HUWE1: variants seen among roughly 807,000 people sequenced by gnomAD.
HUWE1 encodes the protein E3 ubiquitin-protein ligase HUWE1.
A neutral mutation model predicts 299.4 loss-of-function variants in HUWE1; 18 were observed. The ratio of observed to expected loss-of-function variants is 0.06; its 90% CI spans 0.04 to 0.09. The LOEUF is 0.09. Ranked by LOEUF, HUWE1 falls within the 10% of genes least tolerant of loss-of-function variation. The pLI, the probability that HUWE1 is intolerant of heterozygous loss-of-function variation, is 1.00. For missense variants in HUWE1, 1,832 were observed against 3,462.3 expected, an observed-to-expected ratio of 0.53 and a Z score of 11.82; for synonymous variants, 1,317 against 1,286.1, an observed-to-expected ratio of 1.02 and a Z score of -0.51.
intron 7 of HUWE1, among the ~76,000 whole-genome samples, chrX:53,635,362 G>A (rs1557025847): frequency 9.0e-6 from 1 of 111,016 alleles, no homozygotes; most frequent in East Asian, 2.8e-4. Context: ...TGCCTAGGCT[G>A]GAGTGGAGTG....
intron 60 of HUWE1, among the ~76,000 whole-genome samples, chrX:53,556,815 T>G (rs963340252): frequency 3.6e-5 from 4 of 112,356 alleles, no homozygotes; most frequent in Non-Finnish European, 5.6e-5. Context: ...AGAAAAAACA[T>G]CCAATCAACA....
At position 53,614,496 on chromosome X, in the gene HUWE1, G is replaced by A. The variant is rs782732182; in HGVS notation, c.2261+38C>T. 24 of 1,042,515 alleles carry A rather than the reference G, an allele frequency of 2.3e-5. No individual in the cohort carries two copies. The South Asian group carries it at 4.1e-4, about 18-fold the overall frequency. The allele number at this position is 1,042,515 out of a possible 1,213,427, so 85.9% of individuals were successfully genotyped here. A position where few individuals can be genotyped will look rare whatever the true frequency, so the allele number is the denominator to read the frequency against. ...CTTAGAGAGGTGATAACATGCCCAC[G>A]ATTATATGGCTAGATGATCTGTTCT... On this transcript the variant is annotated intron_variant, in intron 23 of 83. Transcript: ENST00000262854.
rs1184636191 is a variant in HUWE1 at position 53,539,911 on chromosome X, GA to G, written c.11477-100del. ...CACCAACTAATATACAGAACAAGTA[GA>G]GGGGACCACTGGCCACTGAGTGGTA... On this transcript the variant is annotated intron_variant, in intron 74 of 83. Coordinates refer to ENST00000262854, the MANE Select transcript of HUWE1 (RefSeq NM_031407.7). 7.1e-6 allele frequency: 6 copies of G among 843,776 alleles called. 1 individual carries two copies. The Middle Eastern group carries it at 9.4e-4, about 133-fold the overall frequency. The allele number at this position is 843,776 out of a possible 1,213,427, so 69.5% of individuals were successfully genotyped here. A position where few individuals can be genotyped will look rare whatever the true frequency, so the allele number is the denominator to read the frequency against.
intron 28 of HUWE1, among the ~76,000 whole-genome samples, chrX:53,601,834 A>G (rs782664939): frequency 2.7e-5 from 3 of 109,103 alleles, no homozygotes; most frequent in East Asian, 5.8e-4. Flanking sequence ...ACGCCCGGCT[A>G]ATTTTTTGTG....
chrX:53,533,559 GT>G (rs1369505806), intron 83 of HUWE1, 148 bp from the exon 84 acceptor site: 2 of 501,429 alleles, frequency 4.0e-6, no homozygotes, highest in Non-Finnish European at 7.1e-6. Context: ...AGCCCAGTAT[GT>G]CCCCCTTTAT....
At chrX:53,609,408 T>C (rs1400318777) in intron 23 of HUWE1, among the ~76,000 whole-genome samples, 2 of 112,348 alleles carry the variant, frequency 1.8e-5, no homozygotes, top group Admixed American at 9.4e-5. Flanking sequence ...TACGATGTTT[T>C]TGCATCACGT....
Position 53,588,402 on chromosome X carries a change from G to T in HUWE1, c.4594C>A (p.Leu1532Ile), listed in dbSNP as rs1556975272. ...QASNLATRIL[L>I]LTLLFEELKL... ...CTTACCTCAAAAAGTAGCGTTAAAA[G>T]CAAGATTCTAGTAGCCAAATTGGAG... The change falls in exon 37 of 84, where the codon CTT becomes ATT. Residue 1532 changes from leucine (L) to isoleucine (I), a missense_variant. Leu to Ile is a conservative substitution (Grantham distance 5). This residue lies in a region of HUWE1 where 658 missense variants were observed against 1,282.6 expected (regional missense o/e 0.51). Coordinates refer to ENST00000262854, the MANE Select transcript of HUWE1 (RefSeq NM_031407.7). 8.3e-7 allele frequency: 1 copy of T among 1,208,160 alleles called. No individual in the cohort carries two copies. Among genetic ancestry groups the T allele is most frequent in the African/African-American group, 1.8e-5 (1 of 57,049 alleles).
intron 29 of HUWE1, among the ~76,000 whole-genome samples, chrX:53,598,656 T>A: frequency 8.9e-6 from 1 of 112,453 alleles, no homozygotes; most frequent in East Asian, 2.8e-4. Flanking sequence ...ATCGACTGTT[T>A]ATGTTACTGG....
intron 15 of HUWE1, among the ~76,000 whole-genome samples, 177 bp downstream of exon 15, chrX:53,628,316 A>G (rs1557019739): frequency 9.0e-6 from 1 of 111,172 alleles, no homozygotes; most frequent in African/African-American, 3.3e-5. Context: ...CTGCTCTTAA[A>G]CATTGTTAAT....
chrX:53,538,405 G>A lies in HUWE1; in HGVS notation c.11928C>T (p.His3976=), dbSNP rs782603526. ...GGACAGCAAAAGGCCCATCAGCAAG[G>A]TGGGTCGTGGACTGCCGTAGGATCT... ...LNQILRQSTT[H]LADGPFAVLV... The change falls in exon 77 of 84, where the codon CAC becomes CAT. Residue 3976 remains histidine, a synonymous_variant. Transcript: ENST00000262854. 25 of 1,207,926 alleles carry A rather than the reference G, an allele frequency of 2.1e-5. No homozygotes were observed. The highest frequency in any genetic ancestry group is 2.7e-5 in the Non-Finnish European group (24 of 893,623).
Position 53,537,560 on chromosome X carries a change from G to T in HUWE1, c.12133C>A (p.Arg4045=). Residue 4045 remains arginine, a synonymous_variant, in exon 78 of 84, where the codon CGA becomes AGA. Transcript: ENST00000262854. ...HRKSPEEMKN[R]LYIVFEGEEG... ...TCTCCGTTCCTGGGCCCTTACAATC[G>T]ATTCTTCATTTCTTCGGGGGATTTG... 2.5e-6 allele frequency: 3 copies of T among 1,210,459 alleles called. No individual in the cohort carries two copies. Among genetic ancestry groups the T allele is most frequent in the Non-Finnish European group, 3.4e-6 (3 of 894,862 alleles).
At chrX:53,665,019 A>C (rs1463209438) in intron 3 of HUWE1, among the ~76,000 whole-genome samples, 2 of 112,259 alleles carry the variant, frequency 1.8e-5, no homozygotes, top group African/African-American at 3.2e-5. Flanking sequence ...TAATCCTTGG[A>C]GATGAAGACT....
At position 53,632,578 on chromosome X, in the gene HUWE1, A is replaced by C; in HGVS notation, c.568-14T>G. ...GGGTGGATATTTCTGTGTATAAAGC[A>C]CATCAAAGAATCAGACATTGAGTTT... is the stretch of plus-strand genomic sequence containing the variant. On this transcript the variant is annotated splice_polypyrimidine_tract_variant and intron_variant, in intron 8 of 83. Transcript: ENST00000262854. The C allele has an allele frequency of 1.8e-6, 2 of 1,121,379 alleles. No homozygotes were observed. Among genetic ancestry groups the C allele is most frequent in the Non-Finnish European group, 2.5e-6 (2 of 812,943 alleles). 92.4% of individuals were successfully genotyped at this position (1,121,379 alleles called of 1,213,427 possible).
chrX:53,562,012 G>A, intron 54 of HUWE1, 88 bp from the exon 55 acceptor site: 1 of 1,210,975 alleles, frequency 8.3e-7, no homozygotes, highest in Non-Finnish European at 1.1e-6. Flanking sequence ...ATGAGGGAGG[G>A]AGACGCTGAG....
intron 55 of HUWE1, among the ~76,000 whole-genome samples, chrX:53,560,877 C>T (rs2062253588): frequency 9.0e-6 from 1 of 111,617 alleles, no homozygotes; most frequent in South Asian, 3.8e-4. Context: ...CCTAATAAAC[C>T]ACTCCTATGA....
chrX:53,535,258 T>C, intron 81 of HUWE1, 126 bp downstream of exon 81: 2 of 545,698 alleles, frequency 3.7e-6, no homozygotes, highest in South Asian at 4.7e-5. Context: ...ATCAAGTGTT[T>C]TGTCTTTTGT....
chrX:53,539,516 G>A lies in HUWE1; in HGVS notation c.11632+141C>T, dbSNP rs2061244957. 4.3e-5 allele frequency: 25 copies of A among 574,843 alleles called. No individual in the cohort carries two copies. In the South Asian group the frequency reaches 5.9e-4, roughly 14 times the overall value. The allele number at this position is 574,843 out of a possible 1,213,427, so 47.4% of individuals were successfully genotyped here. A position where few individuals can be genotyped will look rare whatever the true frequency, so the allele number is the denominator to read the frequency against. The stretch of plus-strand genomic sequence containing the variant: ...CAATCTTTTTTATACTGAAGTCAGA[G>A]AAAAAACACTTCTCTTTTGAATTCT... On this transcript the variant is annotated intron_variant, in intron 75 of 83. Coordinates refer to ENST00000262854, the MANE Select transcript of HUWE1 (RefSeq NM_031407.7).
chrX:53,652,439 T>C (rs1341532116), intron 4 of HUWE1, among the ~76,000 whole-genome samples: 3 of 112,403 alleles, frequency 2.7e-5, no homozygotes, highest in Non-Finnish European at 5.6e-5. Flanking sequence ...ATAATCCCTC[T>C]ATTACCATAT....
At chrX:53,543,596 GCGCCACTGTTGA>G (rs2061438485) in intron 73 of HUWE1, 1 of 415,580 alleles carries the variant, frequency 2.4e-6, no homozygotes, top group Non-Finnish European at 4.1e-6. Context: ...GTTTGCAAAA[GCGCCACTGTTGA>G]CTGGATAGCT....
Sources: allele counts gnomAD v4.1 joint callset (sites outside exome capture counted in the v4.1 genomes callset), GRCh38; gene constraint gnomAD v4.1.1; regional missense constraint gnomAD v4.1.1; transcripts MANE v1.5; gene names NCBI Gene and HGNC (gene_info 2026-07-23, HGNC 2026-07-21).